The following BTBD10 variants were observed in gnomAD, a reference collection of about 807,000 sequenced individuals.
BTBD10 encodes BTB/POZ domain-containing protein 10.
Under a neutral mutation model 53.2 loss-of-function variants are expected in BTBD10, and 21 were observed. The observed-to-expected ratio is 0.39, with a 90% confidence interval of 0.28 to 0.57. The LOEUF (loss-of-function observed/expected upper bound fraction) is 0.57, where lower values mean the gene tolerates loss of function less well. BTBD10 is among the 20% of genes least tolerant of loss of function. The probability of loss-of-function intolerance (pLI) is 0.53; values close to 1 mark genes in which losing one functional copy is unlikely to be tolerated. For synonymous variants in BTBD10, 149 were observed against 192.7 expected (o/e 0.77, Z 1.88); for missense variants, 360 against 594.7 (o/e 0.61, Z 4.10).
chr11:13,397,931 T>C lies in BTBD10; in HGVS notation c.1117+5237A>G, dbSNP rs1185728854. 2.6e-5 allele frequency among the ~76,000 whole-genome samples: 4 copies of C among 152,358 alleles called. No individual in the cohort carries two copies. In the East Asian group the frequency reaches 5.8e-4, roughly 22 times the overall value. On this transcript the variant is annotated intron_variant, in intron 8 of 8. Transcript: ENST00000278174. ...ACAGTTTGTTATAATTTCTGTTCTT[T>C]TACATTTGCTGAGGAGTGCTTTACT... is the stretch of plus-strand genomic sequence containing the variant.
intron 2 of BTBD10, among the ~76,000 whole-genome samples, chr11:13,432,311 A>G (rs1486000150): frequency 6.6e-6 from 1 of 152,082 alleles, no homozygotes; most frequent in African/African-American, 2.4e-5. Context: ...ATCTATACAT[A>G]CAATAAAATA....
Position 13,421,852 on chromosome 11 carries a change from A to G in BTBD10, c.102-14T>C. On this transcript the variant is annotated splice_polypyrimidine_tract_variant and intron_variant, in intron 2 of 8. Coordinates refer to ENST00000278174, the MANE Select transcript of BTBD10 (RefSeq NM_032320.7). The stretch of plus-strand genomic sequence containing the variant: ...CGCGAGGAAGTACTGATAAGTTAGA[A>G]AGGAAAATTAACCATAAAAGCAGAA... 3 of 1,581,346 alleles carry G rather than the reference A, an allele frequency of 1.9e-6. No homozygotes were observed. Among genetic ancestry groups the G allele is most frequent in the Non-Finnish European group, 2.6e-6 (3 of 1,160,384 alleles).
At chr11:13,396,913 C>T (rs939716587) in intron 8 of BTBD10, among the ~76,000 whole-genome samples, 5 of 152,218 alleles carry the variant, frequency 3.3e-5, no homozygotes, top group Admixed American at 2.0e-4. Flanking sequence ...GGTGGATAAG[C>T]TTTTTGATGT....
intron 7 of BTBD10, 137 bp downstream of exon 7, chr11:13,405,522 A>T: frequency 1.1e-6 from 1 of 873,098 alleles, no homozygotes; most frequent in Non-Finnish European, 1.8e-6. Flanking sequence ...CATAGGCAAT[A>T]CATAAAACTT....
chr11:13,438,865 T>A (rs1950594816), intron 2 of BTBD10, among the ~76,000 whole-genome samples: 1 of 151,892 alleles, frequency 6.6e-6, no homozygotes. Flanking sequence ...GATTAAAAGG[T>A]CTAGCTTGAG....
At chr11:13,434,368 G>C (rs1950509776) in intron 2 of BTBD10, among the ~76,000 whole-genome samples, 1 of 152,140 alleles carries the variant, frequency 6.6e-6, no homozygotes, top group African/African-American at 2.4e-5. Flanking sequence ...AGGGGGAAGT[G>C]TCTAAACAAA....
intron 1 of BTBD10, among the ~76,000 whole-genome samples, chr11:13,456,914 AT>A (rs1950981149): frequency 6.6e-6 from 1 of 152,148 alleles, no homozygotes; most frequent in Non-Finnish European, 1.5e-5. Context: ...TAATCCTAGC[AT>A]TTTGGGAAGC....
chr11:13,413,481 A>C, intron 6 of BTBD10, 49 bp downstream of exon 6: 1 of 1,531,110 alleles, frequency 6.5e-7, no homozygotes, highest in Middle Eastern at 2.4e-4. Context: ...TTTTTGTTCC[A>C]ATATATTCTA....
At chr11:13,399,856 A>C (rs1037121029) in intron 8 of BTBD10, among the ~76,000 whole-genome samples, 2 of 152,164 alleles carry the variant, frequency 1.3e-5, no homozygotes, top group Non-Finnish European at 2.9e-5. Flanking sequence ...TGCCTACAGA[A>C]CAGCAGATAT....
chr11:13,411,467 T>TA (rs1565239563), intron 6 of BTBD10, among the ~76,000 whole-genome samples: 1 of 152,196 alleles, frequency 6.6e-6, no homozygotes, highest in Non-Finnish European at 1.5e-5. Context: ...AGTTTTTTTT[T>TA]AAAACGTCTT....
intron 2 of BTBD10, among the ~76,000 whole-genome samples, chr11:13,435,177 A>ATTTTTTTTTTTTTTTTTTTTTTTTTTTTT (rs1565260389): frequency 5.3e-5 from 8 of 152,100 alleles, no homozygotes; most frequent in African/African-American, 1.9e-4. Flanking sequence ...TAGCATGAAA[A>ATTTTTTTTTTTTTTTTTTTTTTTTTTTTT]ATTTTTTAAA....
At chr11:13,405,500 C>G (rs960814364) in intron 7 of BTBD10, 159 bp downstream of exon 7, 4 of 705,458 alleles carry the variant, frequency 5.7e-6, no homozygotes, top group Non-Finnish European at 9.3e-6. Flanking sequence ...GCCACTGTAG[C>G]ATGAAAGCAG....
At chr11:13,417,296 A>G (rs765553013) in intron 4 of BTBD10, 36 bp from the exon 5 acceptor site, 5 of 1,419,262 alleles carry the variant, frequency 3.5e-6, no homozygotes, top group Non-Finnish European at 3.9e-6. Flanking sequence ...ACGTCAATAG[A>G]ATACTTCCTT....
At chr11:13,403,514 A>G (rs1396818678) in intron 7 of BTBD10, among the ~76,000 whole-genome samples, 3 of 115,346 alleles carry the variant, frequency 2.6e-5, no homozygotes, top group African/African-American at 6.8e-5. Context: ...AGAAAACCCA[A>G]TCCATAGGAA....
intron 7 of BTBD10, 126 bp from the exon 8 acceptor site, chr11:13,403,404 A>G (rs1949752156): frequency 2.0e-6 from 1 of 497,566 alleles, no homozygotes; most frequent in Admixed American, 4.2e-5. Context: ...CAGTAATGCC[A>G]AAGGATGACT....
In BTBD10 at chr11:13,445,077, C is replaced by A; in HGVS notation, c.48G>T (p.Glu16Asp). ...HPYDGNSSDP[E>D]NWDRKLHSRP... ...TACTATGCAATTTCCGATCCCAATT[C>A]TCTGGATCACTGGAGTTACCATCAT... Residue 16 changes from glutamate (E) to aspartate (D), a missense_variant, in exon 2 of 9, where the codon GAG becomes GAT. Physicochemically the swap from Glu to Asp is conservative, Grantham distance 45. Coordinates refer to ENST00000278174, the MANE Select transcript of BTBD10 (RefSeq NM_032320.7). 2 of 1,613,344 alleles carry A rather than the reference C, an allele frequency of 1.2e-6. No homozygotes were observed. The highest frequency in any genetic ancestry group is 8.5e-7 in the Non-Finnish European group (1 of 1,179,478).
intron 2 of BTBD10, among the ~76,000 whole-genome samples, chr11:13,431,914 A>G (rs1950455022): frequency 6.6e-6 from 1 of 152,120 alleles, no homozygotes; most frequent in Non-Finnish European, 1.5e-5. Flanking sequence ...ATACTAATTA[A>G]TACGTACAGA....
intron 2 of BTBD10, among the ~76,000 whole-genome samples, chr11:13,428,713 AAATCAGAAATAAG>A (rs550154638): frequency 2.1e-4 from 32 of 152,148 alleles, no homozygotes; most frequent in African/African-American, 2.9e-4. Context: ...TCTCCATCTA[AAATCAGAAATAAG>A]AATCAGAAAT....
At chr11:13,423,640 AGTTAAAATCTAATCTTC>A (rs1385796017) in intron 2 of BTBD10, among the ~76,000 whole-genome samples, 1 of 152,174 alleles carries the variant, frequency 6.6e-6, no homozygotes, top group Non-Finnish European at 1.5e-5. Flanking sequence ...AAACCACACG[AGTTAAAATCTAATCTTC>A]GTGATTCAGA....
Sources: gnomAD v4.1 joint callset for allele counts (sites outside exome capture counted in the v4.1 genomes callset) on GRCh38, gnomAD v4.1.1 for gene constraint, MANE v1.5 for transcripts, NCBI Gene and HGNC (gene_info 2026-07-23, HGNC 2026-07-21) for gene names.